The following ARL15 variants were observed in gnomAD, a reference collection of about 807,000 sequenced individuals.
ARL15 encodes the protein ADP-ribosylation factor-like protein 15.
Under a neutral mutation model 25.2 loss-of-function variants are expected in ARL15, and 19 were observed. That is an observed-to-expected ratio of 0.75 (90% CI 0.53 to 1.10). The LOEUF (loss-of-function observed/expected upper bound fraction) is 1.10, where lower values mean the gene tolerates loss of function less well. Ranked by LOEUF, ARL15 falls within the 50% of genes least tolerant of loss-of-function variation. The pLI is 0.00. For synonymous variants in ARL15, 94 were observed against 86.8 expected (o/e 1.08, Z -0.46); for missense variants, 220 against 246.0 (o/e 0.89, Z 0.71).
chr5:54,106,016 T>A (rs1292317980), intron 4 of ARL15, among the ~76,000 whole-genome samples: 1 of 152,150 alleles, frequency 6.6e-6, no homozygotes, highest in Non-Finnish European at 1.5e-5. Flanking sequence ...TTAAAATGTA[T>A]TAAAAGAATA....
intron 3 of ARL15, among the ~76,000 whole-genome samples, chr5:54,152,017 C>T (rs896534845): frequency 6.6e-6 from 1 of 152,090 alleles, no homozygotes; most frequent in Non-Finnish European, 1.5e-5. Flanking sequence ...TCATCACTGT[C>T]CTGGCTCTTA....
chr5:53,955,949 C>T (rs1339962306), intron 4 of ARL15, among the ~76,000 whole-genome samples: 5 of 152,048 alleles, frequency 3.3e-5, no homozygotes, highest in South Asian at 2.1e-4. Context: ...TTGAGGCATA[C>T]GAGTCCCAAA....
chr5:54,195,517 T>C (rs887720192), intron 1 of ARL15, among the ~76,000 whole-genome samples: 1 of 152,176 alleles, frequency 6.6e-6, no homozygotes, highest in African/African-American at 2.4e-5. Context: ...TTTTTTCTTT[T>C]ATCTCTAGTC....
chr5:54,243,789 A>G (rs1757019830), intron 1 of ARL15, among the ~76,000 whole-genome samples: 4 of 152,210 alleles, frequency 2.6e-5, no homozygotes, highest in South Asian at 4.1e-4. Flanking sequence ...ATTGGCCTCT[A>G]AAGTATTTTG....
chr5:54,016,607 C>T (rs187484372), intron 4 of ARL15, among the ~76,000 whole-genome samples: 126 of 152,278 alleles, frequency 8.3e-4, no homozygotes, highest in African/African-American at 2.8e-3. Flanking sequence ...ATTAATGAAC[C>T]TCTAGAAGAG....
intron 4 of ARL15, among the ~76,000 whole-genome samples, chr5:53,936,456 A>T (rs1287208439): frequency 6.6e-6 from 1 of 152,206 alleles, no homozygotes; most frequent in Non-Finnish European, 1.5e-5. Flanking sequence ...ACTATTGTCT[A>T]GCTTGGATAA....
chr5:54,079,483 A>T (rs1751719947), intron 4 of ARL15, among the ~76,000 whole-genome samples: 1 of 152,242 alleles, frequency 6.6e-6, no homozygotes, highest in African/African-American at 2.4e-5. Context: ...GATTTTGAAT[A>T]ATCCCTCTTA....
chr5:54,096,311 C>A (rs1752285912), intron 4 of ARL15, among the ~76,000 whole-genome samples: 1 of 152,128 alleles, frequency 6.6e-6, no homozygotes, highest in Admixed American at 6.5e-5. Flanking sequence ...CATTTTTGTA[C>A]CTCCTTACAC....
At chr5:53,999,749 A>G (rs1385891058) in intron 4 of ARL15, among the ~76,000 whole-genome samples, 5 of 151,660 alleles carry the variant, frequency 3.3e-5, no homozygotes, top group African/African-American at 1.2e-4. Context: ...CCCCATCTCT[A>G]CATGGGCGTG....
chr5:54,108,138 T>C (rs1367409317), intron 4 of ARL15, among the ~76,000 whole-genome samples: 1 of 152,290 alleles, frequency 6.6e-6, no homozygotes, highest in Admixed American at 6.5e-5. Flanking sequence ...TTCTTATACC[T>C]AATGAAATGA....
chr5:54,211,076 A>T (rs955581539), intron 1 of ARL15, among the ~76,000 whole-genome samples: 2 of 152,210 alleles, frequency 1.3e-5, no homozygotes, highest in African/African-American at 4.8e-5. Context: ...GATTATTTTT[A>T]TTGTTCAAAA....
intron 4 of ARL15, among the ~76,000 whole-genome samples, chr5:53,900,409 G>C (rs541905378): frequency 6.6e-5 from 10 of 152,070 alleles, no homozygotes; most frequent in Non-Finnish European, 1.3e-4. Context: ...AATGGGTTAG[G>C]CTATCAAGAC....
intron 1 of ARL15, among the ~76,000 whole-genome samples, chr5:54,186,871 C>CT (rs562016960): frequency 0.22 from 30,096 of 135,796 alleles, 3,922 homozygotes; most frequent in East Asian, 0.7. Context: ...GTAGCATCGA[C>CT]TTTTTTTTTT....
chr5:54,004,867 T>C (rs138871287), intron 4 of ARL15, among the ~76,000 whole-genome samples: 1 of 152,180 alleles, frequency 6.6e-6, no homozygotes, highest in South Asian at 2.1e-4. Flanking sequence ...AAAAGAAATG[T>C]ACATTTTGTT....
intron 2 of ARL15, among the ~76,000 whole-genome samples, chr5:54,166,204 C>T (rs1485179725): frequency 6.6e-6 from 1 of 151,478 alleles, no homozygotes; most frequent in Admixed American, 6.6e-5. Flanking sequence ...CTTTTTTTCC[C>T]CCACAAGAGA....
At chr5:53,964,444 C>T (rs1747479845) in intron 4 of ARL15, among the ~76,000 whole-genome samples, 1 of 152,098 alleles carries the variant, frequency 6.6e-6, no homozygotes, top group East Asian at 1.9e-4. Context: ...ACTGCATGCT[C>T]CGCCTCCCGG....
At chr5:54,222,292 G>A (rs891510782) in intron 1 of ARL15, among the ~76,000 whole-genome samples, 2 of 152,220 alleles carry the variant, frequency 1.3e-5, no homozygotes, top group African/African-American at 4.8e-5. Context: ...TCTAGGAATA[G>A]TGTGGCAATA....
chr5:54,114,124 G>A (rs145396635), intron 3 of ARL15, among the ~76,000 whole-genome samples: 36 of 152,200 alleles, frequency 2.4e-4, no homozygotes, highest in African/African-American at 7.5e-4. Flanking sequence ...GAGGCTGGGC[G>A]CGGTGGTTCA....
At chr5:54,019,510 C>G (rs974644486) in intron 4 of ARL15, among the ~76,000 whole-genome samples, 2 of 152,076 alleles carry the variant, frequency 1.3e-5, no homozygotes, top group African/African-American at 2.4e-5. Context: ...TTCTTAAAAG[C>G]CTTCAATTAA....
Sources: gnomAD v4.1 joint callset for allele counts (sites outside exome capture counted in the v4.1 genomes callset) on GRCh38, gnomAD v4.1.1 for gene constraint, MANE v1.5 for transcripts, NCBI Gene and HGNC (gene_info 2026-07-23, HGNC 2026-07-21) for gene names.